The following FER variants were observed in gnomAD, a reference collection of about 807,000 sequenced individuals.
FER encodes tyrosine-protein kinase Fer.
In FER, 63 loss-of-function variants were observed where a neutral mutation model predicts 111.0. The observed-to-expected ratio is 0.57, with a 90% CI of 0.46 to 0.70. The LOEUF is 0.70. FER is among the 30% of genes least tolerant of loss of function. The pLI, the probability that FER is intolerant of heterozygous loss-of-function variation, is 0.00. For synonymous variants in FER, 327 were observed against 313.9 expected, an observed-to-expected ratio of 1.04 and a Z score of -0.44; for missense variants, 914 against 954.0, an observed-to-expected ratio of 0.96 and a Z score of 0.55.
At chr5:108,943,719 T>C (rs1756583340) in intron 10 of FER, among the ~76,000 whole-genome samples, 1 of 151,958 alleles carries the variant, frequency 6.6e-6, no homozygotes, top group Admixed American at 6.6e-5. Flanking sequence ...ATAGAGTTTT[T>C]CTGTTTGTTT....
chr5:108,835,686 A>T (rs746689060), intron 4 of FER, 22 bp from the exon 5 acceptor site: 2 of 1,399,484 alleles, frequency 1.4e-6, no homozygotes, highest in Non-Finnish European at 2.0e-6. Flanking sequence ...TAATACATTT[A>T]TGCATTTTGT....
chr5:108,832,467 C>T (rs1383409942), intron 3 of FER, among the ~76,000 whole-genome samples: 1 of 152,062 alleles, frequency 6.6e-6, no homozygotes, highest in Non-Finnish European at 1.5e-5. Flanking sequence ...TTTCAGTGTG[C>T]TGGAAAACAA....
chr5:109,126,155 C>T (rs371669625), intron 17 of FER, among the ~76,000 whole-genome samples: 7 of 152,102 alleles, frequency 4.6e-5, no homozygotes, highest in South Asian at 2.1e-4. Context: ...CTGTAAAACA[C>T]GAAAAAAGAC....
At chr5:109,049,723 A>T (rs1364549606) in intron 16 of FER, among the ~76,000 whole-genome samples, 2 of 152,236 alleles carry the variant, frequency 1.3e-5, no homozygotes, top group Non-Finnish European at 2.9e-5. Flanking sequence ...TTCATTGTAC[A>T]AAACTGTTTA....
At chr5:108,890,819 T>A (rs1747928354) in intron 9 of FER, among the ~76,000 whole-genome samples, 1 of 152,120 alleles carries the variant, frequency 6.6e-6, no homozygotes, top group Non-Finnish European at 1.5e-5. Context: ...TTGGTTTGTT[T>A]CTAGTTTGGA....
At chr5:108,801,490 G>A (rs1281113421) in intron 3 of FER, among the ~76,000 whole-genome samples, 1 of 152,176 alleles carries the variant, frequency 6.6e-6, no homozygotes, top group Non-Finnish European at 1.5e-5. Context: ...GCCTGAAGCT[G>A]TGGATAGTAC....
intron 5 of FER, among the ~76,000 whole-genome samples, chr5:108,866,768 C>T (rs1764111238): frequency 6.6e-6 from 1 of 151,934 alleles, no homozygotes; most frequent in South Asian, 2.1e-4. Flanking sequence ...ATATCTTGAA[C>T]AGTTTATTTT....
At chr5:109,031,817 T>C (rs1581725831) in intron 13 of FER, among the ~76,000 whole-genome samples, 1 of 152,208 alleles carries the variant, frequency 6.6e-6, no homozygotes, top group East Asian at 1.9e-4. Context: ...TAGCACAATA[T>C]GGCTTCCTTT....
intron 17 of FER, among the ~76,000 whole-genome samples, chr5:109,123,670 T>C (rs1429708224): frequency 6.6e-6 from 1 of 152,212 alleles, no homozygotes; most frequent in Admixed American, 6.5e-5. Context: ...AGAAAACTAA[T>C]AAAGATTCTA....
chr5:108,911,020 T>A (rs1193238446), intron 10 of FER, among the ~76,000 whole-genome samples: 1 of 152,110 alleles, frequency 6.6e-6, no homozygotes, highest in African/African-American at 2.4e-5. Context: ...AGTAGTTCTA[T>A]TTTTAGTTCT....
intron 13 of FER, among the ~76,000 whole-genome samples, chr5:109,030,252 A>C (rs988447181): frequency 2.0e-5 from 3 of 151,952 alleles, no homozygotes; most frequent in African/African-American, 7.3e-5. Context: ...ATTGTTGTGC[A>C]TTTTTCTGGC....
At chr5:109,161,306 G>C (rs1755966940) in intron 17 of FER, among the ~76,000 whole-genome samples, 1 of 152,018 alleles carries the variant, frequency 6.6e-6, no homozygotes, top group Non-Finnish European at 1.5e-5. Context: ...AGGTTTGTTA[G>C]ATTGGTAAAC....
intron 10 of FER, among the ~76,000 whole-genome samples, chr5:108,924,942 C>T (rs144842970): frequency 3.3e-5 from 5 of 152,138 alleles, no homozygotes; most frequent in South Asian, 2.1e-4. Flanking sequence ...TTCTTTTGAA[C>T]AATGCTATCA....
intron 2 of FER, among the ~76,000 whole-genome samples, chr5:108,787,717 G>A (rs1030294707): frequency 3.3e-5 from 5 of 152,280 alleles, no homozygotes; most frequent in African/African-American, 9.6e-5. Flanking sequence ...GGTCTCCTCC[G>A]CTGAGAGCTG....
At chr5:109,146,259 TA>T (rs879311037) in intron 17 of FER, among the ~76,000 whole-genome samples, 4,426 of 78,802 alleles carry the variant, frequency 0.056, 605 homozygotes, top group Middle Eastern at 0.15. Context: ...ATCTAATATA[TA>T]TATATATATA....
chr5:109,108,132 T>A (rs1749169818), intron 17 of FER, among the ~76,000 whole-genome samples: 1 of 152,150 alleles, frequency 6.6e-6, no homozygotes, highest in Non-Finnish European at 1.5e-5. Flanking sequence ...GAGAGCTCAC[T>A]GTTTGCCAAG....
chr5:108,935,783 C>G (rs1755379774), intron 10 of FER, among the ~76,000 whole-genome samples: 1 of 151,972 alleles, frequency 6.6e-6, no homozygotes. Context: ...AGCACAGATA[C>G]TTTGTTTATG....
At chr5:109,002,099 C>T (rs1411969269) in intron 13 of FER, among the ~76,000 whole-genome samples, 1 of 151,338 alleles carries the variant, frequency 6.6e-6, no homozygotes, top group Non-Finnish European at 1.5e-5. Context: ...CAATGACTTT[C>T]TTCACAGAAT....
chr5:108,833,489 C>CTTT (rs5870333), intron 4 of FER, among the ~76,000 whole-genome samples: 33 of 145,630 alleles, frequency 2.3e-4, no homozygotes, highest in African/African-American at 3.7e-4. Flanking sequence ...CTCCTACCCA[C>CTTT]TTTTTTTTTT....
Sources: gnomAD v4.1 joint callset for allele counts (sites outside exome capture counted in the v4.1 genomes callset) on GRCh38, gnomAD v4.1.1 for gene constraint, MANE v1.5 for transcripts, NCBI Gene and HGNC (gene_info 2026-07-23, HGNC 2026-07-21) for gene names.